LHFPL3: variants seen among roughly 807,000 people sequenced by gnomAD.
The protein encoded by LHFPL3 is LHFPL tetraspan subfamily member 3 protein.
A neutral mutation model predicts 19.3 loss-of-function variants in LHFPL3; 5 were observed. The observed-to-expected ratio is 0.26, with a 90% CI of 0.14 to 0.54. LHFPL3 has a LOEUF of 0.54. LHFPL3 is among the 20% of genes least tolerant of loss of function. The pLI is 0.94. For synonymous variants in LHFPL3, 133 were observed against 126.2 expected, an observed-to-expected ratio of 1.05 and a Z score of -0.36; for missense variants, 249 against 307.4, an observed-to-expected ratio of 0.81 and a Z score of 1.42.
intron 2 of LHFPL3, among the ~76,000 whole-genome samples, chr7:104,751,080 A>C (rs1272567418): frequency 7.4e-6 from 1 of 135,074 alleles, no homozygotes; most frequent in Non-Finnish European, 1.6e-5. Flanking sequence ...TCCTCCTAAA[A>C]CAACTTCTGT....
At chr7:104,598,786 G>T (rs1050061220) in intron 1 of LHFPL3, among the ~76,000 whole-genome samples, 6 of 152,142 alleles carry the variant, frequency 3.9e-5, no homozygotes, top group African/African-American at 1.2e-4. Context: ...TTATGGTCTT[G>T]ATTAGGCTAC....
intron 1 of LHFPL3, among the ~76,000 whole-genome samples, chr7:104,540,082 G>A (rs1794456338): frequency 6.6e-6 from 1 of 152,032 alleles, no homozygotes; most frequent in Non-Finnish European, 1.5e-5. Context: ...TAGGAGTTTG[G>A]GCCTTAATCT....
chr7:104,533,781 G>A (rs750310614), intron 1 of LHFPL3, among the ~76,000 whole-genome samples: 2 of 152,248 alleles, frequency 1.3e-5, no homozygotes, highest in South Asian at 2.1e-4. Context: ...TGCTAGTTTC[G>A]TGATCTTTGG....
At chr7:104,509,717 T>G (rs1468849377) in intron 1 of LHFPL3, among the ~76,000 whole-genome samples, 3 of 152,038 alleles carry the variant, frequency 2.0e-5, no homozygotes, top group Non-Finnish European at 4.4e-5. Context: ...TTCAACATAG[T>G]GCCAGAAGCT....
At chr7:104,385,422 T>C (rs1790919925) in intron 1 of LHFPL3, among the ~76,000 whole-genome samples, 1 of 152,240 alleles carries the variant, frequency 6.6e-6, no homozygotes. Flanking sequence ...AATGAGAAGC[T>C]GTCCTAAAGA....
chr7:104,752,938 T>C (rs1350814211), intron 2 of LHFPL3: 2 of 333,902 alleles, frequency 6.0e-6, no homozygotes, highest in Non-Finnish European at 1.1e-5. Flanking sequence ...GGTCCAGTTA[T>C]TACAACTGAT....
intron 2 of LHFPL3, among the ~76,000 whole-genome samples, chr7:104,875,961 A>T (rs1332684962): frequency 6.6e-6 from 1 of 152,190 alleles, no homozygotes; most frequent in Non-Finnish European, 1.5e-5. Flanking sequence ...TGGAGCCCCA[A>T]TGCCTGGCAC....
At chr7:104,567,468 A>C (rs1002014923) in intron 1 of LHFPL3, among the ~76,000 whole-genome samples, 4 of 152,224 alleles carry the variant, frequency 2.6e-5, no homozygotes, top group Non-Finnish European at 4.4e-5. Context: ...GGCATCCTCA[A>C]AGCTGGTGCA....
chr7:104,842,073 A>G (rs1476471180), intron 2 of LHFPL3, among the ~76,000 whole-genome samples: 1 of 151,768 alleles, frequency 6.6e-6, no homozygotes. Context: ...TGAATATTTC[A>G]TCTGTCCTAG....
chr7:104,503,331 TA>T (rs1474188340), intron 1 of LHFPL3, among the ~76,000 whole-genome samples: 3 of 152,134 alleles, frequency 2.0e-5, no homozygotes, highest in Non-Finnish European at 1.5e-5. Context: ...TATGTGTCTG[TA>T]AAAAATGACA....
intron 1 of LHFPL3, among the ~76,000 whole-genome samples, chr7:104,466,068 G>T (rs1792777677): frequency 6.6e-6 from 1 of 152,108 alleles, no homozygotes; most frequent in Non-Finnish European, 1.5e-5. Context: ...GTTCTGTAGA[G>T]GTCTATCAGA....
chr7:104,330,303 G>T (rs959189959), intron 1 of LHFPL3, among the ~76,000 whole-genome samples: 6 of 152,174 alleles, frequency 3.9e-5, no homozygotes, highest in Non-Finnish European at 2.9e-5. Flanking sequence ...TGGATGGTCT[G>T]GTTGTAGAAG....
intron 1 of LHFPL3, among the ~76,000 whole-genome samples, chr7:104,398,797 G>T (rs1043782588): frequency 2.0e-5 from 3 of 151,876 alleles, no homozygotes; most frequent in Non-Finnish European, 2.9e-5. Flanking sequence ...GTTCTTCGCT[G>T]GCAGATTTCT....
In LHFPL3 at chr7:104,603,088, TTCTTTC is replaced by T. The variant is rs1231750675; in HGVS notation, c.446-133585_446-133580del. 3.2e-4 allele frequency among the ~76,000 whole-genome samples: 41 copies of T among 127,070 alleles called. 1 individual carries two copies. The highest frequency in any genetic ancestry group is 5.6e-4 in the Admixed American group (7 of 12,556). 83.4% of individuals were successfully genotyped at this position (127,070 alleles called of 152,430 possible). ...TCTTTTTCTTTCTTTCTTTCTTTCT[TTCTTTC>T]TTTCTTTCTTTCTTTCTTTCTTTCT... is the stretch of plus-strand genomic sequence containing the variant. On this transcript the variant is annotated intron_variant, in intron 1 of 2. Transcript: ENST00000424859.
In LHFPL3 at chr7:104,624,482, A is replaced by G. The variant is rs550951106; in HGVS notation, c.446-112193A>G. On this transcript the variant is annotated intron_variant, in intron 1 of 2. Coordinates refer to ENST00000424859, the MANE Select transcript of LHFPL3 (RefSeq NM_199000.3). ...CCCAAGCTCTACAGAGACTCATAGG[A>G]TATGTGGAGGTGCTTCAGCTATAAC... Among the ~76,000 whole-genome samples the G allele has an allele frequency of 3.7e-3, 559 of 152,252 alleles. 14 individuals are homozygous for G. Among genetic ancestry groups the G allele is most frequent in the East Asian group, 9.6e-4 (5 of 5,184 alleles).
At chr7:104,722,545 A>C (rs1241179499) in intron 1 of LHFPL3, among the ~76,000 whole-genome samples, 2 of 152,174 alleles carry the variant, frequency 1.3e-5, no homozygotes, top group Non-Finnish European at 2.9e-5. Flanking sequence ...CATGTCCTAG[A>C]TTGTCCAGTG....
intron 1 of LHFPL3, among the ~76,000 whole-genome samples, chr7:104,642,836 C>T (rs940574374): frequency 6.6e-6 from 1 of 152,212 alleles, no homozygotes; most frequent in African/African-American, 2.4e-5. Context: ...TACCAGCAGG[C>T]ATTCCACATG....
chr7:104,817,969 A>G (rs1316915840), intron 2 of LHFPL3, among the ~76,000 whole-genome samples: 1 of 152,202 alleles, frequency 6.6e-6, no homozygotes, highest in East Asian at 1.9e-4. Context: ...TGCACTAGCT[A>G]CATTTCAAGT....
At chr7:104,382,258 T>C (rs1790842894) in intron 1 of LHFPL3, among the ~76,000 whole-genome samples, 1 of 152,274 alleles carries the variant, frequency 6.6e-6, no homozygotes, top group Admixed American at 6.5e-5. Context: ...AATCAGAAAC[T>C]CTGGGGATGT....
Sources: gnomAD v4.1 joint callset for allele counts (sites outside exome capture counted in the v4.1 genomes callset) on GRCh38, gnomAD v4.1.1 for gene constraint, MANE v1.5 for transcripts, NCBI Gene and HGNC (gene_info 2026-07-23, HGNC 2026-07-21) for gene names.